COL5A2: variants seen among roughly 807,000 people sequenced by gnomAD.
COL5A2 encodes collagen alpha-2(V) chain.
A neutral mutation model predicts 208.2 loss-of-function variants in COL5A2; 23 were observed. The observed-to-expected ratio is 0.11, with a 90% CI of 0.08 to 0.16. The LOEUF (loss-of-function observed/expected upper bound fraction) is 0.16. Ranked by LOEUF, COL5A2 falls within the 10% of genes least tolerant of loss-of-function variation. The pLI is 1.00. For missense variants in COL5A2, 1,590 were observed against 1,956.4 expected (o/e 0.81, Z 3.53); for synonymous variants, 625 against 628.5 (o/e 0.99, Z 0.08).
At chr2:189,290,502 G>A in the COL5A2 span, among the ~76,000 whole-genome samples, 7 of 152,178 alleles carry the variant, frequency 4.6e-5, no homozygotes, top group African/African-American at 1.7e-4. Flanking sequence ...CGTTGAAGAC[G>A]TAAATTATAC....
At chr2:189,172,440 C>CGGA (rs1483664530) in intron 1 of COL5A2, among the ~76,000 whole-genome samples, 6 of 152,246 alleles carry the variant, frequency 3.9e-5, no homozygotes, top group Admixed American at 3.9e-4. Context: ...TGTCACTTTC[C>CGGA]GTGTCTCATT....
chr2:189,231,340 A>T, the COL5A2 span, among the ~76,000 whole-genome samples: 40 of 151,914 alleles, frequency 2.6e-4, no homozygotes, highest in Non-Finnish European at 5.3e-4. Context: ...ATAAAAAATA[A>T]ATACATGAAG....
At chr2:189,283,457 A>T in the COL5A2 span, among the ~76,000 whole-genome samples, 2 of 152,106 alleles carry the variant, frequency 1.3e-5, no homozygotes, top group African/African-American at 4.8e-5. Flanking sequence ...AAATAAAACA[A>T]ATACTAATTG....
At chr2:189,277,340 C>T in the COL5A2 span, among the ~76,000 whole-genome samples, 2 of 152,050 alleles carry the variant, frequency 1.3e-5, no homozygotes, top group Non-Finnish European at 1.5e-5. Context: ...CATGGAAGCT[C>T]ATCAGAAAAT....
At chr2:189,136,458 A>G (rs80123321) in intron 1 of COL5A2, among the ~76,000 whole-genome samples, 3,620 of 149,968 alleles carry the variant, frequency 0.024, 156 homozygotes, top group African/African-American at 0.084. Context: ...CAGGTTAACT[A>G]GGAGGTAGTT....
intron 1 of COL5A2, among the ~76,000 whole-genome samples, chr2:189,122,240 A>G (rs1687516463): frequency 6.6e-6 from 1 of 152,234 alleles, no homozygotes; most frequent in African/African-American, 2.4e-5. Context: ...ATTACAAATA[A>G]GAAATCTGAA....
At chr2:189,413,370 G>T in the COL5A2 span, among the ~76,000 whole-genome samples, 1 of 152,068 alleles carries the variant, frequency 6.6e-6, no homozygotes. Context: ...GTAATTTATG[G>T]TTACAAGAGC....
chr2:189,296,045 A>G, the COL5A2 span, among the ~76,000 whole-genome samples: 2 of 152,038 alleles, frequency 1.3e-5, no homozygotes, highest in African/African-American at 4.8e-5. Context: ...GAAAACATAC[A>G]TTTTCAGCCT....
chr2:189,052,020 C>T (rs1002595398), intron 41 of COL5A2, 152 bp downstream of exon 41: 60 of 623,296 alleles, frequency 9.6e-5, no homozygotes, highest in Non-Finnish European at 1.4e-4. Context: ...ATTTGCTTTG[C>T]TGAAATACCA....
chr2:189,044,145 T>C (rs1685615878), intron 47 of COL5A2, among the ~76,000 whole-genome samples: 1 of 152,206 alleles, frequency 6.6e-6, no homozygotes, highest in Non-Finnish European at 1.5e-5. Flanking sequence ...TCCCAAAAGA[T>C]AACTGAATCC....
chr2:189,244,248 G>A, the COL5A2 span, among the ~76,000 whole-genome samples: 10 of 152,166 alleles, frequency 6.6e-5, no homozygotes, highest in African/African-American at 9.6e-5. Flanking sequence ...TTTCTATCAC[G>A]TTGTCAGGCT....
the COL5A2 span, among the ~76,000 whole-genome samples, chr2:189,358,964 G>A: frequency 4.0e-5 from 6 of 151,882 alleles, no homozygotes; most frequent in Non-Finnish European, 8.8e-5. Flanking sequence ...TTCTAACAGT[G>A]TTTTTGGTGG....
chr2:189,100,114 A>G lies in COL5A2; in HGVS notation c.362T>C (p.Val121Ala). 6.2e-7 allele frequency: 1 copy of G among 1,610,010 alleles called. No homozygotes were observed. Among genetic ancestry groups the G allele is most frequent in the Non-Finnish European group, 8.5e-7 (1 of 1,176,476 alleles). Residue 121 changes from valine (V) to alanine (A), a missense_variant, in exon 4 of 54, where the codon GTG (valine) becomes GCG (alanine). By Grantham distance (64) the Val-to-Ala change is moderately conservative. Coordinates refer to ENST00000374866, the MANE Select transcript of COL5A2 (RefSeq NM_000393.5). ...GATTATACATATACTTACAACAGGC[A>G]CTAATCCTGGTTCTCCCTTTTGTCC... ...RKGQKGEPGLVPVVTGIRGRP... is the reference protein window; with the variant it reads ...RKGQKGEPGLAPVVTGIRGRP...
the COL5A2 span, among the ~76,000 whole-genome samples, chr2:189,331,716 T>A: frequency 2.0e-5 from 3 of 152,084 alleles, no homozygotes; most frequent in Non-Finnish European, 4.4e-5. Flanking sequence ...AAAAACAAAC[T>A]AATACATATA....
At chr2:189,037,505 T>C (rs982212857) in intron 51 of COL5A2, among the ~76,000 whole-genome samples, 1 of 152,204 alleles carries the variant, frequency 6.6e-6, no homozygotes, top group Non-Finnish European at 1.5e-5. Context: ...CTTTCTTCAA[T>C]GATAATAATT....
chr2:189,310,829 A>G, the COL5A2 span, among the ~76,000 whole-genome samples: 2,576 of 152,324 alleles, frequency 0.017, 75 homozygotes, highest in African/African-American at 0.059. Flanking sequence ...AGGCACAGAA[A>G]GACAAACATC....
At chr2:189,436,632 A>T in the COL5A2 span, among the ~76,000 whole-genome samples, 170 of 152,316 alleles carry the variant, frequency 1.1e-3, no homozygotes, top group African/African-American at 3.7e-3. Context: ...TGGATGAAGA[A>T]AATATGGTAC....
At chr2:189,428,383 A>T in the COL5A2 span, among the ~76,000 whole-genome samples, 25,559 of 152,058 alleles carry the variant, frequency 0.17, 2,269 homozygotes, top group South Asian at 0.21. Flanking sequence ...ACTTTGGGTG[A>T]CCAAGGCAGG....
the COL5A2 span, among the ~76,000 whole-genome samples, chr2:189,386,808 A>G: frequency 2.0e-5 from 3 of 152,202 alleles, no homozygotes; most frequent in African/African-American, 7.2e-5. Flanking sequence ...GGCTTTTGTT[A>G]AAAAGTCAAA....
Sources: allele counts gnomAD v4.1 joint callset (sites outside exome capture counted in the v4.1 genomes callset), GRCh38; gene constraint gnomAD v4.1.1; transcripts MANE v1.5; gene names NCBI Gene and HGNC (gene_info 2026-07-23, HGNC 2026-07-21).